UBR3: variants seen among roughly 807,000 people sequenced by gnomAD.
UBR3 encodes the protein E3 ubiquitin-protein ligase UBR3.
UBR3 carries 85 observed loss-of-function variants against 243.2 expected under a neutral mutation model. The observed-to-expected ratio is 0.35, with a 90% CI of 0.29 to 0.42. The LOEUF (loss-of-function observed/expected upper bound fraction) is 0.42, where lower values mean the gene tolerates loss of function less well. Among genes scored for constraint, UBR3 ranks in the 10% least tolerant of loss-of-function variants. The pLI, the probability that UBR3 is intolerant of heterozygous loss-of-function variation, is 1.00. For missense variants in UBR3, 1,686 were observed against 2,300.8 expected (o/e 0.73, Z 5.47); for synonymous variants, 748 against 799.8 (o/e 0.94, Z 1.09).
chr2:169,964,356 A>C, intron 24 of UBR3: 1 of 460,934 alleles, frequency 2.2e-6, no homozygotes, highest in Non-Finnish European at 4.5e-6. Context: ...TTAATACTTT[A>C]AGAAATTGTT....
intron 1 of UBR3, among the ~76,000 whole-genome samples, chr2:169,844,007 C>CT (rs11421686): frequency 0.019 from 2,498 of 134,050 alleles, 64 homozygotes; most frequent in African/African-American, 0.034. Flanking sequence ...TTTCTCTTTA[C>CT]TTTTTTTTTT....
At chr2:169,884,996 A>T (rs1559057560) in intron 5 of UBR3, among the ~76,000 whole-genome samples, 1 of 152,214 alleles carries the variant, frequency 6.6e-6, no homozygotes, top group Non-Finnish European at 1.5e-5. Context: ...TAACTATTTT[A>T]TGCCATTTAA....
At chr2:170,067,223 A>G (rs1438193829) in intron 35 of UBR3, among the ~76,000 whole-genome samples, 1 of 152,132 alleles carries the variant, frequency 6.6e-6, no homozygotes, top group Non-Finnish European at 1.5e-5. Context: ...AGCTGGAAAA[A>G]TGTTGCTATT....
chr2:169,951,399 G>A (rs1248267127), intron 23 of UBR3, among the ~76,000 whole-genome samples: 3 of 152,042 alleles, frequency 2.0e-5, no homozygotes, highest in Admixed American at 6.6e-5. Context: ...TCATTCATTG[G>A]GTGTCAGTCA....
chr2:169,838,384 CATTTGTGTGTGTGT>C lies in UBR3; in HGVS notation c.545+10333_545+10346del, dbSNP rs1166611733. On this transcript the variant is annotated intron_variant, in intron 1 of 38. Coordinates refer to ENST00000272793, the MANE Select transcript of UBR3 (RefSeq NM_172070.4). Reference sequence around the variant, plus strand: ...GAAGCTGGGAAGTCCAAGATTAAGGCATTTGTGTGTGTGTGTGTGTGTGTGTGTGTGTGTGTGTG... The same window carrying C: ...GAAGCTGGGAAGTCCAAGATTAAGGCGTGTGTGTGTGTGTGTGTGTGTGTG... Among the ~76,000 whole-genome samples the C allele has an allele frequency of 6.7e-4, 90 of 133,628 alleles. 1 individual carries two copies. Among genetic ancestry groups the C allele is most frequent in the African/African-American group, 2.3e-3 (81 of 34,506 alleles). The allele number at this position is 133,628 out of a possible 152,430, so 87.7% of individuals were successfully genotyped here. A position where few individuals can be genotyped will look rare whatever the true frequency, so the allele number is the denominator to read the frequency against.
chr2:169,880,677 A>G lies in UBR3; in HGVS notation c.1038+2103A>G, dbSNP rs531829388. 1.5e-4 allele frequency among the ~76,000 whole-genome samples: 23 copies of G among 152,214 alleles called. No individual in the cohort carries two copies. In the South Asian group the frequency reaches 4.6e-3, roughly 30 times the overall value. The stretch of plus-strand genomic sequence containing the variant: ...CTCTTCTAGAAGTAATTTCTAGATG[A>G]TATCAGATAATTTTAAATATTGCCC... On this transcript the variant is annotated intron_variant, in intron 5 of 38. Coordinates refer to ENST00000272793, the MANE Select transcript of UBR3 (RefSeq NM_172070.4).
At chr2:169,976,905 T>C (rs1434229070) in intron 24 of UBR3, among the ~76,000 whole-genome samples, 2 of 152,156 alleles carry the variant, frequency 1.3e-5, no homozygotes, top group African/African-American at 4.8e-5. Context: ...TAGGCTTTTT[T>C]CACTCTTGTA....
chr2:169,900,527 T>C (rs2084779198), intron 8 of UBR3, among the ~76,000 whole-genome samples: 2 of 152,232 alleles, frequency 1.3e-5, no homozygotes, highest in South Asian at 4.1e-4. Flanking sequence ...TTGGCTTTTG[T>C]TGCCATTGCT....
At chr2:170,034,198 T>A (rs2090764325) in intron 31 of UBR3, among the ~76,000 whole-genome samples, 1 of 151,974 alleles carries the variant, frequency 6.6e-6, no homozygotes, top group Non-Finnish European at 1.5e-5. Context: ...ACCCAAAGTC[T>A]GTAGTTACAT....
At chr2:170,074,724 C>A (rs991789261) in intron 36 of UBR3, among the ~76,000 whole-genome samples, 11 of 152,172 alleles carry the variant, frequency 7.2e-5, no homozygotes, top group African/African-American at 2.6e-4. Flanking sequence ...TCTGATAGTC[C>A]ATCTTCCTTA....
intron 18 of UBR3, among the ~76,000 whole-genome samples, chr2:169,929,129 T>A (rs2105348398): frequency 6.6e-6 from 1 of 152,318 alleles, no homozygotes; most frequent in Non-Finnish European, 1.5e-5. Flanking sequence ...TCTAATTCAT[T>A]TTTATAAGTG....
chr2:170,010,044 C>G (rs551882148), intron 29 of UBR3, among the ~76,000 whole-genome samples: 1 of 152,048 alleles, frequency 6.6e-6, no homozygotes, highest in Non-Finnish European at 1.5e-5. Flanking sequence ...TCTGAGAATG[C>G]AAATACTGGA....
At chr2:170,005,756 GGTTGTATACATATATA>G (rs1412876127) in intron 27 of UBR3, among the ~76,000 whole-genome samples, 1 of 152,098 alleles carries the variant, frequency 6.6e-6, no homozygotes, top group Non-Finnish European at 1.5e-5. Flanking sequence ...GTATAAGATT[GGTTGTATACATATATA>G]GTGAAACTGC....
chr2:169,854,653 C>A (rs1035220428), intron 1 of UBR3, among the ~76,000 whole-genome samples: 5 of 152,010 alleles, frequency 3.3e-5, no homozygotes, highest in Non-Finnish European at 7.4e-5. Flanking sequence ...AATTTCAGTA[C>A]AATGGACATT....
intron 24 of UBR3, among the ~76,000 whole-genome samples, chr2:169,976,919 T>C (rs1253488667): frequency 6.6e-6 from 1 of 152,158 alleles, no homozygotes; most frequent in Non-Finnish European, 1.5e-5. Context: ...TCTTGTATTC[T>C]TTTCCCCCTC....
chr2:169,974,750 T>C (rs1182342728), intron 24 of UBR3, among the ~76,000 whole-genome samples: 4 of 152,208 alleles, frequency 2.6e-5, no homozygotes, highest in Non-Finnish European at 5.9e-5. Context: ...CATTATTAGG[T>C]TGTTTATTTG....
chr2:169,847,108 TGTGTGTGTGTGTGTGTGC>T (rs199854065), intron 1 of UBR3, among the ~76,000 whole-genome samples: 2,173 of 59,740 alleles, frequency 0.036, 32 homozygotes, highest in East Asian at 0.14. Context: ...TGTGTGTGTG[TGTGTGTGTGTGTGTGTGC>T]GCTGGCAGTT....
intron 36 of UBR3, among the ~76,000 whole-genome samples, chr2:170,079,531 G>C (rs572551777): frequency 1.3e-5 from 2 of 152,214 alleles, no homozygotes; most frequent in Non-Finnish European, 2.9e-5. Context: ...GCTTAGAGAT[G>C]GTGTTTTTCT....
At chr2:169,871,395 G>A (rs185869320) in intron 1 of UBR3, among the ~76,000 whole-genome samples, 180 of 149,576 alleles carry the variant, frequency 1.2e-3, no homozygotes, top group African/African-American at 4.1e-3. Flanking sequence ...GAGTGACAAA[G>A]CGAGACCCTG....
Sources: gnomAD v4.1 joint callset for allele counts (sites outside exome capture counted in the v4.1 genomes callset) on GRCh38, gnomAD v4.1.1 for gene constraint, MANE v1.5 for transcripts, NCBI Gene and HGNC (gene_info 2026-07-23, HGNC 2026-07-21) for gene names.